The following PANK2 variants were observed in gnomAD, a reference collection of about 807,000 sequenced individuals.
PANK2 encodes the protein pantothenate kinase 2, mitochondrial.
In PANK2, 36 loss-of-function variants were observed where a neutral mutation model predicts 43.1. The ratio of observed to expected loss-of-function variants is 0.84; its 90% confidence interval spans 0.64 to 1.10. PANK2 has a LOEUF of 1.10. Ranked by LOEUF, PANK2 falls within the 50% of genes least tolerant of loss-of-function variation. PANK2 has a pLI of 0.00. For synonymous variants in PANK2, 281 were observed against 238.2 expected (o/e 1.18, Z -1.66); for missense variants, 576 against 593.3 (o/e 0.97, Z 0.30).
At chr20:3,902,970 TAGAC>T (rs1423696243) in intron 1 of PANK2, among the ~76,000 whole-genome samples, 1 of 107,956 alleles carries the variant, frequency 9.3e-6, no homozygotes, top group Non-Finnish European at 1.7e-5. Flanking sequence ...CAGATGTGTA[TAGAC>T]ACACACACAC....
rs2090760029 is a variant in PANK2 at position 3,928,451 on chromosome 20, ATGAACT to A, written c.*5159_*5164del. ...CTAACTTTCATCAGCGGGGACAAAAATGAACTTAAACTAAAAAAATTATTGGCCGGG... is the reference window on the plus strand; with the variant it reads ...CTAACTTTCATCAGCGGGGACAAAAATAAACTAAAAAAATTATTGGCCGGG... On this transcript the variant is annotated 3_prime_UTR_variant, in exon 7 of 7. Transcript: ENST00000610179. The A allele has an allele frequency of 1.3e-5, 2 of 152,316 alleles. No individual in the cohort carries two copies. Among genetic ancestry groups the A allele is most frequent in the South Asian group, 4.1e-4 (2 of 4,826 alleles). 9.4% of individuals were successfully genotyped at this position (152,316 alleles called of 1,614,324 possible).
At position 3,918,762 on chromosome 20, in the gene PANK2, A is replaced by G; in HGVS notation, c.1298A>G (p.Lys433Arg). The change falls in exon 6 of 7, where the codon AAG becomes AGG. Residue 433 changes from lysine to arginine, a missense_variant. By Grantham distance (26) the Lys-to-Arg change is conservative (BLOSUM62 2). Transcript: ENST00000610179. ...GCATATGCTTTGGATTATTGGTCCAAGGGGCAGTTGAAAGCACTTTTTTCG... is the reference window on the plus strand; with the variant it reads ...GCATATGCTTTGGATTATTGGTCCAGGGGGCAGTTGAAAGCACTTTTTTCG... The G allele has an allele frequency of 6.2e-7, 1 of 1,614,252 alleles. No homozygotes were observed. The highest frequency in any genetic ancestry group is 1.1e-5 in the South Asian group (1 of 91,076).
chr20:3,913,790 ATTTTTTTTTT>A (rs57042549), intron 4 of PANK2, among the ~76,000 whole-genome samples: 1 of 138,476 alleles, frequency 7.2e-6, no homozygotes, highest in African/African-American at 2.7e-5. Flanking sequence ...ATATATATAT[ATTTTTTTTTT>A]TTTTTTGAGA....
chr20:3,907,438 A>T (rs1005500822), intron 1 of PANK2, among the ~76,000 whole-genome samples: 3 of 151,544 alleles, frequency 2.0e-5, no homozygotes, highest in African/African-American at 7.3e-5. Context: ...GTCTATTGAA[A>T]CCTTTTATTT....
rs1419296848 is a variant in PANK2 at position 3,908,236 on chromosome 20, C to A, written c.609C>A (p.Ala203=). The A allele has an allele frequency of 4.3e-6, 7 of 1,612,170 alleles. No homozygotes were observed. Among genetic ancestry groups the A allele is most frequent in the Admixed American group, 1.7e-5 (1 of 59,986 alleles). ...CGAGTCTCCACACTGTCTTTTGTGCCACTGGAGGTGGAGCGTACAAATTTG... is the reference window on the plus strand; with the variant it reads ...CGAGTCTCCACACTGTCTTTTGTGCAACTGGAGGTGGAGCGTACAAATTTG... Residue 203 remains alanine (A), a synonymous_variant, in exon 2 of 7, where the codon GCC becomes GCA. Coordinates refer to ENST00000610179, the MANE Select transcript of PANK2 (RefSeq NM_001386393.1).
chr20:3,913,505 G>A (rs1304052616), intron 4 of PANK2, among the ~76,000 whole-genome samples: 1 of 151,786 alleles, frequency 6.6e-6, no homozygotes, highest in East Asian at 1.9e-4. Context: ...CACCAAGCCT[G>A]GCTAATTTTG....
At chr20:3,896,410 G>A (rs1036478304) in intron 1 of PANK2, among the ~76,000 whole-genome samples, 1 of 151,956 alleles carries the variant, frequency 6.6e-6, no homozygotes, top group African/African-American at 2.4e-5. Context: ...TGGAAAGTGT[G>A]ATGTTGTGAA....
intron 1 of PANK2, among the ~76,000 whole-genome samples, chr20:3,900,642 T>G (rs1168234452): frequency 5.3e-5 from 8 of 152,040 alleles, no homozygotes; most frequent in Non-Finnish European, 1.5e-5. Flanking sequence ...ATACTTGAAT[T>G]TCTCCTTTTC....
At chr20:3,918,938 C>A in intron 6 of PANK2, 142 bp downstream of exon 6, 1 of 1,390,924 alleles carries the variant, frequency 7.2e-7, no homozygotes. Flanking sequence ...CGGAGTCTCG[C>A]TCTGTCACCT....
In PANK2 at chr20:3,917,457, C is replaced by T. The variant is rs745501503; in HGVS notation, c.1206+407C>T. On this transcript the variant is annotated intron_variant, in intron 5 of 6. Transcript: ENST00000610179. ...AGAAGACTGAGCAGGCCGAGGGGTG[C>T]CCTCCTTGGCTCCCCCACCTCAGCA... The T allele has an allele frequency of 4.9e-5, 26 of 534,272 alleles. No individual in the cohort carries two copies. The East Asian group carries it at 8.7e-4, about 18-fold the overall frequency. The allele number at this position is 534,272 out of a possible 1,614,324, so 33.1% of individuals were successfully genotyped here.
At chr20:3,903,275 G>A (rs1276648346) in intron 1 of PANK2, among the ~76,000 whole-genome samples, 1 of 151,426 alleles carries the variant, frequency 6.6e-6, no homozygotes, top group African/African-American at 2.4e-5. Flanking sequence ...AGCCTCCCGA[G>A]TAGCTGGGAT....
chr20:3,905,237 C>T (rs2090365853), intron 1 of PANK2, among the ~76,000 whole-genome samples: 1 of 152,136 alleles, frequency 6.6e-6, no homozygotes. Context: ...GGATAGAATA[C>T]CCCTACGTTC....
At chr20:3,891,040 T>G (rs1452316360) in intron 1 of PANK2, among the ~76,000 whole-genome samples, 1 of 151,888 alleles carries the variant, frequency 6.6e-6, no homozygotes, top group Non-Finnish European at 1.5e-5. Context: ...ACAAGGGTTT[T>G]TTTGGTTTGT....
At position 3,925,843 on chromosome 20, in the gene PANK2, A is replaced by G. The variant is rs987406408; in HGVS notation, c.*2549A>G. 3 of 152,250 alleles carry G rather than the reference A, an allele frequency of 2.0e-5. No individual in the cohort carries two copies. Among genetic ancestry groups the G allele is most frequent in the African/African-American group, 7.2e-5 (3 of 41,416 alleles). 9.4% of individuals were successfully genotyped at this position (152,250 alleles called of 1,614,324 possible). A position where few individuals can be genotyped will look rare whatever the true frequency, so the allele number is the denominator to read the frequency against. On this transcript the variant is annotated 3_prime_UTR_variant, in exon 7 of 7. Transcript: ENST00000610179. ...CTGCATTTGTTGATCTCTGTGCAGC[A>G]GTGCCCACATCCTCATCCCAGCTTA...
In PANK2 at chr20:3,929,737, C is replaced by T. The variant is rs1464466369; in HGVS notation, c.*6443C>T. On this transcript the variant is annotated 3_prime_UTR_variant, in exon 7 of 7. Transcript: ENST00000610179. ...AGCTACAGAGCCTGATCTTGAGCAT[C>T]CTGTCGCAGATAGAAAGTCAATCAG... The T allele has an allele frequency of 6.6e-6, 1 of 152,228 alleles. No individual in the cohort carries two copies. Among genetic ancestry groups the T allele is most frequent in the Non-Finnish European group, 1.5e-5 (1 of 68,048 alleles). The allele number at this position is 152,228 out of a possible 1,614,324, so 9.4% of individuals were successfully genotyped here.
At chr20:3,896,357 C>T (rs923448503) in intron 1 of PANK2, among the ~76,000 whole-genome samples, 15 of 151,178 alleles carry the variant, frequency 9.9e-5, no homozygotes, top group Admixed American at 2.0e-4. Flanking sequence ...GGATTACAAG[C>T]GTGAGCCACC....
chr20:3,889,395 T>A lies in PANK2; in HGVS notation c.-36T>A, dbSNP rs764438195. The A allele has an allele frequency of 6.4e-7, 1 of 1,574,028 alleles. No individual in the cohort carries two copies. Among genetic ancestry groups the A allele is most frequent in the Admixed American group, 1.9e-5 (1 of 53,628 alleles). Reference sequence around the variant, plus strand: ...GCCGAGGGCGCGCCTCTGCTCTGGCTGGACTGCCGCGGAGGAGGCGAGAAG... The same window carrying A: ...GCCGAGGGCGCGCCTCTGCTCTGGCAGGACTGCCGCGGAGGAGGCGAGAAG... On this transcript the variant is annotated 5_prime_UTR_variant, in exon 1 of 7. Transcript: ENST00000610179.
chr20:3,913,777 T>TAC lies in PANK2; in HGVS notation c.1082+1144_1082+1145insCA, dbSNP rs1351411889. Among the ~76,000 whole-genome samples, 76 of 114,420 alleles carry TAC rather than the reference T, an allele frequency of 6.6e-4. No individual in the cohort carries two copies. In the East Asian group the frequency reaches 0.019, roughly 29 times the overall value. 75.1% of individuals were successfully genotyped at this position (114,420 alleles called of 152,430 possible). On this transcript the variant is annotated intron_variant, in intron 4 of 6. Transcript: ENST00000610179. ...GTATGTATGCACACACACACACACA[T>TAC]ATATATATATATATTTTTTTTTTTT... is the stretch of plus-strand genomic sequence containing the variant.
At chr20:3,915,175 T>A (rs1394592811) in intron 4 of PANK2, among the ~76,000 whole-genome samples, 1 of 152,208 alleles carries the variant, frequency 6.6e-6, no homozygotes, top group African/African-American at 2.4e-5. Context: ...GTGCTTTTGG[T>A]GTTATGTGTA....
Sources: allele counts gnomAD v4.1 joint callset (sites outside exome capture counted in the v4.1 genomes callset), GRCh38; gene constraint gnomAD v4.1.1; transcripts MANE v1.5; gene names NCBI Gene and HGNC (gene_info 2026-07-23, HGNC 2026-07-21).